HORMAD2: variants seen among roughly 807,000 people sequenced by gnomAD.
HORMAD2 encodes the protein HORMA domain containing 2, also known as HORMA domain-containing protein 2.
HORMAD2 carries 45 observed loss-of-function variants against 38.8 expected under a neutral mutation model. The observed-to-expected ratio is 1.16, with a 90% CI of 0.91 to 1.49. The LOEUF is 1.49. HORMAD2 is among the 40% of genes most tolerant of loss of function. The pLI is 0.00. For synonymous variants in HORMAD2, 126 were observed against 122.8 expected (o/e 1.03, Z -0.17); for missense variants, 338 against 367.0 (o/e 0.92, Z 0.65).
the HORMAD2 span, among the ~76,000 whole-genome samples, chr22:30,198,987 A>C: frequency 6.6e-6 from 1 of 152,144 alleles, no homozygotes; most frequent in African/African-American, 2.4e-5. Context: ...AGGCACAAAT[A>C]ACTGTGTATT....
chr22:30,145,436 A>T (rs993995777), intron 10 of HORMAD2, among the ~76,000 whole-genome samples: 1 of 152,202 alleles, frequency 6.6e-6, no homozygotes, highest in Non-Finnish European at 1.5e-5. Flanking sequence ...GGGAAAAGCT[A>T]TTATAAATAT....
intron 7 of HORMAD2, among the ~76,000 whole-genome samples, chr22:30,116,256 C>T (rs1922037959): frequency 6.6e-6 from 1 of 152,096 alleles, no homozygotes. Flanking sequence ...GAGAGGCAGA[C>T]AGGGGACAGA....
intron 1 of HORMAD2, among the ~76,000 whole-genome samples, chr22:30,088,159 GTATACCTATGTATACATATATACATA>G (rs1209513110): frequency 2.8e-4 from 40 of 142,762 alleles, no homozygotes; most frequent in African/African-American, 6.4e-4. Context: ...ATGTATACAC[GTATACCTATGTATACATATATACATA>G]TATACCTATG....
intron 3 of HORMAD2, among the ~76,000 whole-genome samples, chr22:30,102,725 A>G (rs1440453747): frequency 2.0e-5 from 3 of 152,206 alleles, no homozygotes; most frequent in African/African-American, 7.2e-5. Context: ...TTCCAGCCTC[A>G]AGTGATCCTC....
At chr22:30,163,609 G>A (rs1027132951) in intron 10 of HORMAD2, among the ~76,000 whole-genome samples, 3 of 151,474 alleles carry the variant, frequency 2.0e-5, no homozygotes, top group Admixed American at 6.6e-5. Context: ...TGTATTTTTT[G>A]TAGAGATGAA....
intron 2 of HORMAD2, among the ~76,000 whole-genome samples, chr22:30,097,678 G>C (rs2068807320): frequency 6.6e-6 from 1 of 152,162 alleles, no homozygotes; most frequent in Non-Finnish European, 1.5e-5. Flanking sequence ...GATGAGGCAG[G>C]AGAGCTAAAC....
chr22:30,151,447 A>G (rs1924744407), intron 10 of HORMAD2, among the ~76,000 whole-genome samples: 1 of 152,226 alleles, frequency 6.6e-6, no homozygotes, highest in Admixed American at 6.5e-5. Context: ...TAAATATAAT[A>G]CTACTTTAAT....
chr22:30,125,215 T>G (rs1270036300), intron 10 of HORMAD2, among the ~76,000 whole-genome samples: 1 of 120,656 alleles, frequency 8.3e-6, no homozygotes, highest in Non-Finnish European at 1.6e-5. Context: ...CTTTTTCTTT[T>G]CTTTTTTTTT....
the HORMAD2 span, among the ~76,000 whole-genome samples, chr22:30,184,142 T>C: frequency 6.6e-6 from 1 of 152,216 alleles, no homozygotes; most frequent in African/African-American, 2.4e-5. Flanking sequence ...CACTGTTGCC[T>C]CCAAAGAGCT....
the HORMAD2 span, among the ~76,000 whole-genome samples, chr22:30,193,980 C>G: frequency 1.5e-4 from 23 of 152,258 alleles, no homozygotes; most frequent in Non-Finnish European, 1.8e-4. Flanking sequence ...AATAGCAGAT[C>G]CCCAGTCAGA....
chr22:30,161,843 A>G (rs900217999), intron 10 of HORMAD2, among the ~76,000 whole-genome samples: 1 of 152,206 alleles, frequency 6.6e-6, no homozygotes, highest in African/African-American at 2.4e-5. Context: ...AAAAATGTTG[A>G]TTATTATAAC....
intron 10 of HORMAD2, among the ~76,000 whole-genome samples, chr22:30,126,734 G>A (rs1449339871): frequency 6.6e-6 from 1 of 152,160 alleles, no homozygotes. Flanking sequence ...AAGGGTATGT[G>A]TATATTTAGT....
At chr22:30,117,851 T>A (rs576917465) in intron 7 of HORMAD2, among the ~76,000 whole-genome samples, 1 of 152,174 alleles carries the variant, frequency 6.6e-6, no homozygotes. Flanking sequence ...CTATCTCTTA[T>A]GAGGAAATTT....
chr22:30,104,883 C>T (rs1921068279), intron 5 of HORMAD2, among the ~76,000 whole-genome samples: 1 of 152,122 alleles, frequency 6.6e-6, no homozygotes, highest in Non-Finnish European at 1.5e-5. Flanking sequence ...CTTACAATAG[C>T]TAGTATTGTA....
At chr22:30,095,594 A>G (rs1323344171) in intron 2 of HORMAD2, among the ~76,000 whole-genome samples, 1 of 152,206 alleles carries the variant, frequency 6.6e-6, no homozygotes, top group African/African-American at 2.4e-5. Context: ...TACAGAATGT[A>G]AGCCACACGA....
chr22:30,186,423 C>T, the HORMAD2 span, among the ~76,000 whole-genome samples: 1 of 148,816 alleles, frequency 6.7e-6, no homozygotes, highest in Admixed American at 6.7e-5. Flanking sequence ...ATCAACATAA[C>T]ATTTTTCATT....
intron 10 of HORMAD2, among the ~76,000 whole-genome samples, chr22:30,171,711 A>G (rs772141006): frequency 1.3e-5 from 2 of 152,170 alleles, no homozygotes; most frequent in African/African-American, 2.4e-5. Context: ...TAACCAAGAC[A>G]TGTATGTTCC....
At chr22:30,193,137 C>A in the HORMAD2 span, among the ~76,000 whole-genome samples, 1 of 152,136 alleles carries the variant, frequency 6.6e-6, no homozygotes, top group South Asian at 2.1e-4. Flanking sequence ...AAATCAACTT[C>A]TCAAAAAGCA....
chr22:30,139,550 T>G (rs1245149826), intron 10 of HORMAD2, among the ~76,000 whole-genome samples: 2 of 151,904 alleles, frequency 1.3e-5, no homozygotes, highest in Non-Finnish European at 2.9e-5. Context: ...CAAATAGATA[T>G]AGTTTCACTT....
Sources: allele counts gnomAD v4.1 joint callset (sites outside exome capture counted in the v4.1 genomes callset), GRCh38; gene constraint gnomAD v4.1.1; transcripts MANE v1.5; gene names NCBI Gene and HGNC (gene_info 2026-07-23, HGNC 2026-07-21).